Variants in PLLP observed in about 807,000 individuals in gnomAD.
PLLP encodes plasma membrane proteolipid (plasmolipin).
Under a neutral mutation model 19.7 loss-of-function variants are expected in PLLP, and 15 were observed. The ratio of observed to expected loss-of-function variants is 0.76; its 90% confidence interval spans 0.51 to 1.17. The LOEUF is 1.17. Ranked by LOEUF, PLLP falls within the 50% of genes most tolerant of loss-of-function variation. The probability of loss-of-function intolerance (pLI) is 0.00; values close to 1 mark genes in which losing one functional copy is unlikely to be tolerated. For synonymous variants in PLLP, 111 were observed against 116.3 expected (o/e 0.95, Z 0.29); for missense variants, 255 against 258.3 (o/e 0.99, Z 0.09).
intron 2 of PLLP, among the ~76,000 whole-genome samples, chr16:57,260,324 C>A (rs1356651251): frequency 1.3e-5 from 2 of 152,144 alleles, no homozygotes; most frequent in African/African-American, 4.8e-5. Context: ...ACGGCTGGAG[C>A]CCCAAATCTG....
chr16:57,260,030 G>A (rs1463718938), intron 2 of PLLP, among the ~76,000 whole-genome samples: 4 of 151,820 alleles, frequency 2.6e-5, no homozygotes, highest in Non-Finnish European at 5.9e-5. Flanking sequence ...CAAAGGGGCT[G>A]CATTCCCACT....
intron 1 of PLLP, among the ~76,000 whole-genome samples, chr16:57,269,968 C>T (rs993042156): frequency 2.0e-5 from 3 of 152,134 alleles, no homozygotes; most frequent in Admixed American, 6.5e-5. Flanking sequence ...AGGGTTTCAC[C>T]ATGTTGCCCG....
At chr16:57,278,310 A>G (rs1185828301) in intron 1 of PLLP, among the ~76,000 whole-genome samples, 3 of 152,222 alleles carry the variant, frequency 2.0e-5, no homozygotes, top group African/African-American at 7.2e-5. Context: ...GCTGCACTCC[A>G]GCCTGGATGA....
At chr16:57,281,740 T>C (rs1177240767) in intron 1 of PLLP, among the ~76,000 whole-genome samples, 1 of 152,100 alleles carries the variant, frequency 6.6e-6, no homozygotes, top group Non-Finnish European at 1.5e-5. Context: ...CTCCGTCTCC[T>C]GACCTCGTGA....
Position 57,258,495 on chromosome 16 carries a change from GC to G in PLLP, c.398del (p.Gly133AlafsTer18). Reference protein sequence around the residue: ...SAAVDLTSLRGTRPYNQRAAA... With the variant: ...SAAVDLTSLRXTRPYNQRAAA... ...CCGCGCGCTGGTTATAAGGCCGGGTGCCCCTCAGGGATGTCAGGTCAACTGC... is the reference window on the plus strand; with the variant it reads ...CCGCGCGCTGGTTATAAGGCCGGGTGCCCTCAGGGATGTCAGGTCAACTGC... On this transcript the variant is annotated frameshift_variant, in exon 3 of 4. Coordinates refer to ENST00000219207, the MANE Select transcript of PLLP (RefSeq NM_015993.3). LOFTEE classifies it high-confidence loss of function. 3 of 1,612,800 alleles carry G rather than the reference GC, an allele frequency of 1.9e-6. No individual in the cohort carries two copies. The highest frequency in any genetic ancestry group is 2.5e-6 in the Non-Finnish European group (3 of 1,179,948).
intron 1 of PLLP, among the ~76,000 whole-genome samples, chr16:57,279,912 GGT>G (rs1264502617): frequency 1.3e-5 from 2 of 152,216 alleles, no homozygotes; most frequent in Non-Finnish European, 2.9e-5. Context: ...AATCCCAGGA[GGT>G]GGGGCAAAAT....
At chr16:57,258,678 T>G in intron 2 of PLLP, 94 bp from the exon 3 acceptor site, 1 of 1,276,422 alleles carries the variant, frequency 7.8e-7, no homozygotes, top group Non-Finnish European at 1.1e-6. Flanking sequence ...TCCCAGCACT[T>G]TGCGGGGCTG....
intron 2 of PLLP, among the ~76,000 whole-genome samples, chr16:57,259,215 C>CA (rs1487229446): frequency 6.6e-6 from 1 of 152,176 alleles, no homozygotes; most frequent in Non-Finnish European, 1.5e-5. Context: ...AGAAAGAGCC[C>CA]AATCCATGAC....
chr16:57,261,872 T>G, intron 2 of PLLP, 25 bp downstream of exon 2: 7 of 1,610,862 alleles, frequency 4.3e-6, no homozygotes, highest in Non-Finnish European at 5.9e-6. Context: ...TCATAGCCAC[T>G]TCCAGTACCC....
At chr16:57,272,096 C>A (rs1424433437) in intron 1 of PLLP, among the ~76,000 whole-genome samples, 3 of 152,222 alleles carry the variant, frequency 2.0e-5, no homozygotes, top group African/African-American at 7.2e-5. Flanking sequence ...TGCCAGGCCC[C>A]CGCCAGGGCT....
rs771314004 is a variant in PLLP, at chr16:57,281,517, C to CTTTTTTTTTTTTTTT, written c.135+2888_135+2889insAAAAAAAAAAAAAAA. ...CAACAAGCAGATTTTTTTTTTATTTCTTTTTTTTTTTGAGACGGAGTCTCT... is the reference window on the plus strand; with the variant it reads ...CAACAAGCAGATTTTTTTTTTATTTCTTTTTTTTTTTTTTTTTTTTTTTTTTGAGACGGAGTCTCT... On this transcript the variant is annotated intron_variant, in intron 1 of 3. Transcript: ENST00000219207. 7.5e-4 allele frequency among the ~76,000 whole-genome samples: 97 copies of CTTTTTTTTTTTTTTT among 130,126 alleles called. 3 individuals carry two copies. The highest frequency in any genetic ancestry group is 2.4e-3 in the South Asian group (9 of 3,730). The allele number at this position is 130,126 out of a possible 152,430, so 85.4% of individuals were successfully genotyped here.
intron 1 of PLLP, among the ~76,000 whole-genome samples, chr16:57,273,442 C>T (rs1478819112): frequency 1.3e-5 from 2 of 152,158 alleles, no homozygotes; most frequent in African/African-American, 4.8e-5. Context: ...TTTGACCTGT[C>T]TCCCTGCCTG....
chr16:57,264,962 C>G (rs1334161678), intron 1 of PLLP, among the ~76,000 whole-genome samples: 2 of 152,268 alleles, frequency 1.3e-5, no homozygotes, highest in Non-Finnish European at 2.9e-5. Context: ...TGCCTCCCCC[C>G]AACCCAAGTA....
chr16:57,256,896 G>C lies in PLLP; in HGVS notation c.*17C>G, dbSNP rs763180281. ...AGCGGCGGCTTCAGCCCCAGAGGGG[G>C]CCGTGGCACAGGTGGTTTAGGCATA... On this transcript the variant is annotated 3_prime_UTR_variant, in exon 4 of 4. Coordinates refer to ENST00000219207, the MANE Select transcript of PLLP (RefSeq NM_015993.3). 1.3e-6 allele frequency: 2 copies of C among 1,558,430 alleles called. No individual in the cohort carries two copies. Among genetic ancestry groups the C allele is most frequent in the Non-Finnish European group, 1.8e-6 (2 of 1,131,320 alleles).
intron 1 of PLLP, among the ~76,000 whole-genome samples, chr16:57,280,006 G>C (rs533466942): frequency 6.6e-6 from 1 of 152,216 alleles, no homozygotes; most frequent in Non-Finnish European, 1.5e-5. Context: ...CCTCAAGGAC[G>C]CCTACTGACT....
chr16:57,274,996 C>T (rs1206866178), intron 1 of PLLP, among the ~76,000 whole-genome samples: 3 of 150,186 alleles, frequency 2.0e-5, no homozygotes, highest in African/African-American at 4.9e-5. Context: ...CTCCTGACCT[C>T]GTGATCCGCC....
Position 57,256,722 on chromosome 16 carries a change from C to T in PLLP, c.*191G>A, listed in dbSNP as rs754691209. On this transcript the variant is annotated 3_prime_UTR_variant, in exon 4 of 4. Coordinates refer to ENST00000219207, the MANE Select transcript of PLLP (RefSeq NM_015993.3). ...TCTCAGCAGTTGGCCTCCTGCAAGC[C>T]GAGATGCCTGCCAGCCTGGGCCTGC... The T allele has an allele frequency of 6.4e-5, 36 of 563,802 alleles. No individual in the cohort carries two copies. The highest frequency in any genetic ancestry group is 3.3e-4 in the Admixed American group (11 of 32,912). 34.9% of individuals were successfully genotyped at this position (563,802 alleles called of 1,614,324 possible).
chr16:57,263,240 C>A (rs1195326051), intron 1 of PLLP: 1 of 152,310 alleles, frequency 6.6e-6, no homozygotes, highest in African/African-American at 2.4e-5. Flanking sequence ...ACAGGTGAAA[C>A]TGGGCCTCCA....
intron 2 of PLLP, 61 bp from the exon 3 acceptor site, chr16:57,258,645 G>C: frequency 6.4e-7 from 1 of 1,556,172 alleles, no homozygotes; most frequent in Non-Finnish European, 8.8e-7. Context: ...AGAGAGGCCA[G>C]ACACGGTGGT....
Sources: gnomAD v4.1 joint callset for allele counts (sites outside exome capture counted in the v4.1 genomes callset) on GRCh38, gnomAD v4.1.1 for gene constraint, MANE v1.5 for transcripts, NCBI Gene and HGNC (gene_info 2026-07-23, HGNC 2026-07-21) for gene names.